The following EPB41L4B variants were observed in gnomAD, a reference collection of about 807,000 sequenced individuals.
EPB41L4B encodes the protein erythrocyte membrane protein band 4.1 like 4B.
EPB41L4B carries 30 observed loss-of-function variants against 112.5 expected under a neutral mutation model. The observed-to-expected ratio is 0.27, with a 90% CI of 0.20 to 0.36. The LOEUF is 0.36. Ranked by LOEUF, EPB41L4B falls within the 10% of genes least tolerant of loss-of-function variation. The pLI is 1.00. For synonymous variants in EPB41L4B, 408 were observed against 439.7 expected, an observed-to-expected ratio of 0.93 and a Z score of 0.90; for missense variants, 1,024 against 1,133.3, an observed-to-expected ratio of 0.90 and a Z score of 1.38.
At chr9:109,243,844 T>C (rs889120322) in intron 14 of EPB41L4B, among the ~76,000 whole-genome samples, 162 bp from the exon 15 acceptor site, 1 of 152,184 alleles carries the variant, frequency 6.6e-6, no homozygotes, top group African/African-American at 2.4e-5. Context: ...GACGATCACG[T>C]TTCCCCCTCT....
At chr9:109,304,605 G>A (rs1221350844) in intron 1 of EPB41L4B, among the ~76,000 whole-genome samples, 1 of 152,148 alleles carries the variant, frequency 6.6e-6, no homozygotes, top group African/African-American at 2.4e-5. Flanking sequence ...GGCACTGTGT[G>A]TTCTCTCCTA....
intron 16 of EPB41L4B, among the ~76,000 whole-genome samples, chr9:109,216,647 C>CA (rs10568620): frequency 0.088 from 11,598 of 132,458 alleles, 629 homozygotes; most frequent in Middle Eastern, 0.17. Flanking sequence ...GACTCCATCT[C>CA]AAAAAAAAAA....
intron 1 of EPB41L4B, among the ~76,000 whole-genome samples, chr9:109,305,005 C>T (rs1025685290): frequency 3.9e-5 from 6 of 152,054 alleles, no homozygotes; most frequent in African/African-American, 1.2e-4. Flanking sequence ...CACTAATGGT[C>T]GATTTTGTGT....
intron 17 of EPB41L4B, 127 bp downstream of exon 17, chr9:109,213,573 A>C (rs556455328): frequency 1.5e-4 from 107 of 718,190 alleles, no homozygotes; most frequent in Non-Finnish European, 2.4e-4. Flanking sequence ...CAGAAATGTC[A>C]GGAAAGATGG....
At chr9:109,215,448 T>A (rs796493354) in intron 16 of EPB41L4B, among the ~76,000 whole-genome samples, 43 of 152,038 alleles carry the variant, frequency 2.8e-4, no homozygotes, top group African/African-American at 9.9e-4. Context: ...CCCAGCTAAT[T>A]TTTGTATTTT....
chr9:109,207,549 G>T (rs1207187992), intron 18 of EPB41L4B, among the ~76,000 whole-genome samples: 3 of 151,994 alleles, frequency 2.0e-5, no homozygotes, highest in African/African-American at 7.3e-5. Flanking sequence ...CCCAGCCTTT[G>T]CAACAGAGTG....
chr9:109,282,386 A>C (rs1211737123), intron 1 of EPB41L4B, among the ~76,000 whole-genome samples: 2 of 152,242 alleles, frequency 1.3e-5, no homozygotes. Flanking sequence ...TTGGATAGGC[A>C]AACTGTATGA....
At chr9:109,175,213 G>A (rs894029042) in intron 25 of EPB41L4B, among the ~76,000 whole-genome samples, 10 of 151,956 alleles carry the variant, frequency 6.6e-5, no homozygotes, top group Non-Finnish European at 1.5e-4. Flanking sequence ...CACCAAGCCC[G>A]GCCCTCAGTA....
intron 15 of EPB41L4B, among the ~76,000 whole-genome samples, chr9:109,221,749 C>A (rs991011403): frequency 1.3e-5 from 2 of 152,152 alleles, no homozygotes; most frequent in African/African-American, 2.4e-5. Context: ...ACGTGGGTAA[C>A]AAAGAGTGTG....
chr9:109,242,366 C>T (rs909745384), intron 15 of EPB41L4B, among the ~76,000 whole-genome samples: 3 of 152,244 alleles, frequency 2.0e-5, no homozygotes, highest in Non-Finnish European at 4.4e-5. Context: ...GCACTGTTTA[C>T]GGCTTTCCTC....
chr9:109,261,784 GTAGT>G (rs918560258), intron 6 of EPB41L4B, among the ~76,000 whole-genome samples: 1 of 152,076 alleles, frequency 6.6e-6, no homozygotes, highest in African/African-American at 2.4e-5. Flanking sequence ...CTGATATTCT[GTAGT>G]AAGTGTGTAC....
intron 6 of EPB41L4B, among the ~76,000 whole-genome samples, chr9:109,261,933 CAGT>C (rs746591769): frequency 2.0e-5 from 3 of 152,124 alleles, no homozygotes; most frequent in Admixed American, 6.5e-5. Context: ...ATCCATAATC[CAGT>C]AGAAGCTGAT....
intron 15 of EPB41L4B, among the ~76,000 whole-genome samples, chr9:109,228,721 G>A (rs866520180): frequency 6.6e-6 from 1 of 152,312 alleles, no homozygotes; most frequent in Middle Eastern, 3.4e-3. Flanking sequence ...TCATTAAATT[G>A]CTCATCTTTT....
Position 109,182,678 on chromosome 9 carries a change from C to G in EPB41L4B, c.2487+51G>C, listed in dbSNP as rs376475808. On this transcript the variant is annotated intron_variant, in intron 24 of 25. Transcript: ENST00000374566. ...TCTGGCATCCCGCAGAAAAGCACAC[C>G]GCATGGGAACAAGGGTTTAAAATGC... 9 of 1,378,906 alleles carry G rather than the reference C, an allele frequency of 6.5e-6. No homozygotes were observed. In the African/African-American group the frequency reaches 1.1e-4, roughly 17 times the overall value. The allele number at this position is 1,378,906 out of a possible 1,614,324, so 85.4% of individuals were successfully genotyped here.
intron 1 of EPB41L4B, among the ~76,000 whole-genome samples, chr9:109,315,567 C>T (rs746324300): frequency 6.6e-6 from 1 of 152,142 alleles, no homozygotes; most frequent in Non-Finnish European, 1.5e-5. Flanking sequence ...CACCTTCAGA[C>T]GCTGACAATC....
intron 12 of EPB41L4B, 150 bp from the exon 13 acceptor site, chr9:109,251,661 T>C: frequency 1.3e-6 from 1 of 747,246 alleles, no homozygotes; most frequent in Non-Finnish European, 2.4e-6. Flanking sequence ...TACTTCTCCT[T>C]TCCTCAGGGA....
rs113171937 is a variant in EPB41L4B at position 109,298,701 on chromosome 9, T to A, written c.307-18780A>T. ...GAAATATTACTTTAGAAGACACAAA[T>A]AGGAAATTATTTACAGAACCAAACA... is the stretch of plus-strand genomic sequence containing the variant. On this transcript the variant is annotated intron_variant, in intron 1 of 25. Coordinates refer to ENST00000374566, the MANE Select transcript of EPB41L4B (RefSeq NM_019114.5). Among the ~76,000 whole-genome samples the A allele has an allele frequency of 6.5e-3, 989 of 152,246 alleles. 9 individuals are homozygous for A. Among genetic ancestry groups the A allele is most frequent in the African/African-American group, 0.023 (938 of 41,520 alleles).
chr9:109,205,382 A>G (rs4978781), intron 18 of EPB41L4B, among the ~76,000 whole-genome samples: 53,558 of 152,146 alleles, frequency 0.35, 9,929 homozygotes, highest in Middle Eastern at 0.44. Context: ...CACTTCTCCA[A>G]TGGAGCAGAA....
rs1378938621 is a variant in EPB41L4B at position 109,273,260 on chromosome 9, T to C, written c.412-4827A>G. On this transcript the variant is annotated intron_variant, in intron 2 of 25. Transcript: ENST00000374566. ...CTGTGGCATTTCTTTTTTTTTTTTC[T>C]TTTCGAGACAGAGTCTCGCTCTGTC... is the stretch of plus-strand genomic sequence containing the variant. Among the ~76,000 whole-genome samples, 3 of 151,422 alleles carry C rather than the reference T, an allele frequency of 2.0e-5. 1 individual carries two copies. The highest frequency in any genetic ancestry group is 4.4e-5 in the Non-Finnish European group (3 of 67,800).
Sources: allele counts gnomAD v4.1 joint callset (sites outside exome capture counted in the v4.1 genomes callset), GRCh38; gene constraint gnomAD v4.1.1; transcripts MANE v1.5; gene names NCBI Gene and HGNC (gene_info 2026-07-23, HGNC 2026-07-21).